The following GARIN5A variants were observed in gnomAD, a reference collection of about 807,000 sequenced individuals.
GARIN5A encodes Golgi-associated RAB2 interactor protein 5A.
chr19:50,472,243 T>TGTG, the GARIN5A span, among the ~76,000 whole-genome samples: 3 of 133,876 alleles, frequency 2.2e-5, no homozygotes, highest in South Asian at 2.3e-4. Flanking sequence ...TATGTGTGTA[T>TGTG]TATATATACA....
the GARIN5A span, chr19:50,475,297 G>A: frequency 6.4e-6 from 10 of 1,553,508 alleles, no homozygotes; most frequent in Admixed American, 1.8e-4. Context: ...AGGGAGGAAG[G>A]GGTCTCGGCT....
the GARIN5A span, chr19:50,475,327 G>A: frequency 1.5e-4 from 237 of 1,587,844 alleles, no homozygotes; most frequent in Non-Finnish European, 1.6e-5. Flanking sequence ...GCAGTTACCC[G>A]AAGAGTTGCA....
chr19:50,472,292 T>C, the GARIN5A span, among the ~76,000 whole-genome samples: 5 of 146,240 alleles, frequency 3.4e-5, 1 homozygote, highest in South Asian at 8.9e-4. Context: ...TGTATGTGTG[T>C]ATATATGTAT....
chr19:50,472,127 CGT>C, the GARIN5A span, among the ~76,000 whole-genome samples: 10 of 135,334 alleles, frequency 7.4e-5, no homozygotes, highest in Admixed American at 2.2e-4. Context: ...TGTATATATA[CGT>C]GTGTATATGT....
chr19:50,467,810 C>T, the GARIN5A span: 31 of 1,613,024 alleles, frequency 1.9e-5, no homozygotes, highest in Middle Eastern at 1.6e-4. Context: ...AAGAGCTGGA[C>T]GAACTTCAAG....
the GARIN5A span, among the ~76,000 whole-genome samples, chr19:50,471,813 T>TGC: frequency 1.3e-5 from 2 of 148,754 alleles, no homozygotes. Context: ...TACGCATACA[T>TGC]ACCTGTGTGT....
At chr19:50,476,728 G>T in the GARIN5A span, 1 of 988,794 alleles carries the variant, frequency 1.0e-6, no homozygotes, top group Non-Finnish European at 1.4e-6. Context: ...CTTTAGGTGA[G>T]TTACAGACGG....
chr19:50,472,195 T>TATAC, the GARIN5A span, among the ~76,000 whole-genome samples: 1 of 150,700 alleles, frequency 6.6e-6, no homozygotes, highest in African/African-American at 2.5e-5. Flanking sequence ...TACATGTATG[T>TATAC]GTGCATGTAT....
At chr19:50,467,451 C>T in the GARIN5A span, 33 of 744,956 alleles carry the variant, frequency 4.4e-5, no homozygotes, top group Non-Finnish European at 7.1e-5. Context: ...CTCCCTCAGA[C>T]CCAGGAGTCC....
the GARIN5A span, among the ~76,000 whole-genome samples, chr19:50,472,191 T>TATGTATAC: frequency 6.7e-4 from 98 of 145,928 alleles, 1 homozygote; most frequent in African/African-American, 2.6e-3. Flanking sequence ...TGTATACATG[T>TATGTATAC]ATGTGTGCAT....
chr19:50,472,190 GTA>G, the GARIN5A span, among the ~76,000 whole-genome samples: 219 of 130,682 alleles, frequency 1.7e-3, 5 homozygotes, highest in African/African-American at 6.5e-3. Context: ...ATGTATACAT[GTA>G]TGTGTGCATG....
chr19:50,471,033 C>T, the GARIN5A span, among the ~76,000 whole-genome samples: 1 of 151,812 alleles, frequency 6.6e-6, no homozygotes, highest in East Asian at 1.9e-4. Context: ...GGCGTGATTA[C>T]AGCTCACTGC....
the GARIN5A span, among the ~76,000 whole-genome samples, chr19:50,474,206 C>G: frequency 6.6e-6 from 1 of 150,886 alleles, no homozygotes; most frequent in South Asian, 2.1e-4. Context: ...GACAGAGTCT[C>G]ACTCATTCTG....
the GARIN5A span, among the ~76,000 whole-genome samples, chr19:50,472,243 T>TTATATATACATGTATGTGTGTATATATG: frequency 6.3e-4 from 84 of 133,924 alleles, 1 homozygote; most frequent in African/African-American, 1.0e-3. Context: ...TATGTGTGTA[T>TTATATATACATGTATGTGTGTATATATG]TATATATACA....
chr19:50,474,256 T>G, the GARIN5A span, among the ~76,000 whole-genome samples: 2 of 151,628 alleles, frequency 1.3e-5, no homozygotes, highest in Non-Finnish European at 2.9e-5. Flanking sequence ...CTCGGCTCAC[T>G]GCAACCTCCA....
the GARIN5A span, chr19:50,476,164 A>G: frequency 6.2e-7 from 1 of 1,613,448 alleles, no homozygotes; most frequent in Non-Finnish European, 8.5e-7. Context: ...CGCCAGCTCC[A>G]CCCAGGGCCG....
chr19:50,472,263 GTA>G, the GARIN5A span, among the ~76,000 whole-genome samples: 765 of 109,030 alleles, frequency 7.0e-3, 11 homozygotes, highest in Middle Eastern at 0.014. Context: ...ATGTATGTGT[GTA>G]TATATGTATA....
At chr19:50,476,292 C>T in the GARIN5A span, 1 of 1,602,544 alleles carries the variant, frequency 6.2e-7, no homozygotes, top group Non-Finnish European at 8.5e-7. Flanking sequence ...TGATGCGGAG[C>T]GGGCTTTATG....
At chr19:50,476,456 C>A in the GARIN5A span, 1 of 1,563,406 alleles carries the variant, frequency 6.4e-7, no homozygotes, top group Non-Finnish European at 8.6e-7. Flanking sequence ...AGCGCAGGCG[C>A]ACGGGCGTCA....
Sources: gnomAD v4.1 joint callset for allele counts (sites outside exome capture counted in the v4.1 genomes callset) on GRCh38, gnomAD v4.1.1 for gene constraint, MANE v1.5 for transcripts, NCBI Gene and HGNC (gene_info 2026-07-23, HGNC 2026-07-21) for gene names.